The following TTC34 variants were observed in gnomAD, a reference collection of about 807,000 sequenced individuals.
TTC34 encodes the protein tetratricopeptide repeat domain 34.
TTC34 carries 44 observed loss-of-function variants against 40.7 expected under a neutral mutation model. The ratio of observed to expected loss-of-function variants is 1.08; its 90% confidence interval spans 0.85 to 1.39. The LOEUF is 1.39. TTC34 is among the 40% of genes most tolerant of loss of function. TTC34 has a pLI of 0.00. For missense variants in TTC34, 884 were observed against 838.0 expected (o/e 1.05, Z -0.68); for synonymous variants, 422 against 398.6 (o/e 1.06, Z -0.70).
chr1:2,644,291 C>T (rs1356954475), exon 8 of TTC34: 5 of 1,535,146 alleles, frequency 3.3e-6, no homozygotes, highest in Admixed American at 3.9e-5. Flanking sequence ...GCTCCGAGGC[C>T]TCCAGGAGAT....
At chr1:2,753,290 C>T (rs1641387673) in intron 6 of TTC34, among the ~76,000 whole-genome samples, 1 of 123,330 alleles carries the variant, frequency 8.1e-6, no homozygotes, top group Non-Finnish European at 1.6e-5. Context: ...GAACAGCACC[C>T]TGCACACCCA....
intron 6 of TTC34, among the ~76,000 whole-genome samples, chr1:2,760,237 C>CACAACACCAGGCCAGCATCTGACTGA (rs1641653145): frequency 9.1e-6 from 1 of 109,298 alleles, no homozygotes; most frequent in Non-Finnish European, 1.8e-5. Context: ...GAGCAGCACC[C>CACAACACCAGGCCAGCATCTGACTGA]ACAACCCCAG....
intron 6 of TTC34, among the ~76,000 whole-genome samples, chr1:2,688,079 AC>A (rs1640449442): frequency 6.8e-6 from 1 of 147,232 alleles, no homozygotes; most frequent in African/African-American, 2.7e-5. Flanking sequence ...CTGGAACAGC[AC>A]CCTGCACCCC....
rs557610994 is a variant in TTC34 at position 2,699,397 on chromosome 1, G to T, written c.2227-53834C>A. Among the ~76,000 whole-genome samples, 58 of 98,442 alleles carry T rather than the reference G, an allele frequency of 5.9e-4. 2 individuals are homozygous for T. Among genetic ancestry groups the T allele is most frequent in the African/African-American group, 1.8e-3 (56 of 31,382 alleles). The allele number at this position is 98,442 out of a possible 152,430, so 64.6% of individuals were successfully genotyped here. A position where few individuals can be genotyped will look rare whatever the true frequency, so the allele number is the denominator to read the frequency against. On this transcript the variant is annotated intron_variant, in intron 6 of 8. Coordinates refer to ENST00000401095, the Ensembl canonical transcript of TTC34. ...CCGCAGGTGAGCATCTGACAGCCTG[G>T]AACAGCACCCCACACCCCAAGGTGA... is the stretch of plus-strand genomic sequence containing the variant.
chr1:2,799,538 C>A (rs1643750654), intron 2 of TTC34, among the ~76,000 whole-genome samples: 2 of 151,478 alleles, frequency 1.3e-5, no homozygotes. Context: ...AATGAAACTC[C>A]ATCTCAAAAA....
intron 6 of TTC34, among the ~76,000 whole-genome samples, chr1:2,686,246 G>C (rs1479977225): frequency 6.7e-6 from 1 of 148,782 alleles, no homozygotes. Context: ...CACACCCCCA[G>C]GTGAGCATCT....
intron 6 of TTC34, among the ~76,000 whole-genome samples, chr1:2,688,300 C>A (rs1160533514): frequency 5.7e-5 from 7 of 122,884 alleles, no homozygotes; most frequent in Admixed American, 8.8e-5. Flanking sequence ...CCCAGGCGAG[C>A]ATCTGACAGC....
intron 6 of TTC34, among the ~76,000 whole-genome samples, chr1:2,700,109 G>C (rs575575375): frequency 8.3e-6 from 1 of 120,676 alleles, no homozygotes; most frequent in East Asian, 2.6e-4. Flanking sequence ...GTGAGCATCC[G>C]AGAGCCTGGA....
Position 2,755,966 on chromosome 1 carries a change from C to A in TTC34, c.2226+27643G>T, listed in dbSNP as rs1350123849. The stretch of plus-strand genomic sequence containing the variant: ...GCACCCCCAGGTGAGGATCTGACAG[C>A]CTGGAACAGCACCCTGCAACCCAGG... On this transcript the variant is annotated intron_variant, in intron 6 of 8. Transcript: ENST00000401095. Among the ~76,000 whole-genome samples, 4 of 79,500 alleles carry A rather than the reference C, an allele frequency of 5.0e-5. 1 individual carries two copies. The highest frequency in any genetic ancestry group is 2.2e-5 in the Non-Finnish European group (1 of 45,074). The allele number at this position is 79,500 out of a possible 152,430, so 52.2% of individuals were successfully genotyped here.
rs890032959 is a variant in TTC34, at chr1:2,789,584, T to C, written c.1547A>G (p.Gln516Arg). 8 of 1,451,528 alleles carry C rather than the reference T, an allele frequency of 5.5e-6. No homozygotes were observed. The African/African-American group carries it at 8.8e-5, about 16-fold the overall frequency. 89.9% of individuals were successfully genotyped at this position (1,451,528 alleles called of 1,614,324 possible). ...GGACGGCCCGGCGCGTGGAGATCGC[T>C]GCAGCATCCCACGGGCCTCCTCCCG... Residue 516 changes from glutamine (Q) to arginine (R), a missense_variant, in exon 3 of 9, where the codon CAG (glutamine) becomes CGG (arginine). Gln to Arg is a conservative substitution (Grantham distance 43). Transcript: ENST00000401095.
chr1:2,643,652 CG>C (rs200640386), intron 8 of TTC34, among the ~76,000 whole-genome samples: 5 of 151,786 alleles, frequency 3.3e-5, no homozygotes, highest in Non-Finnish European at 5.9e-5. Flanking sequence ...CTCTTCAGCT[CG>C]GGGGGGGCAG....
intron 6 of TTC34, among the ~76,000 whole-genome samples, chr1:2,749,373 G>GCATCTGCCAGACTGGAAGAGC (rs1641243028): frequency 2.7e-5 from 3 of 112,844 alleles, no homozygotes; most frequent in African/African-American, 4.5e-5. Context: ...GCCCAGGTGA[G>GCATCTGCCAGACTGGAAGAGC]ACCCTGACAG....
rs1639852647 is a variant in TTC34, at chr1:2,675,109, CA to C, written c.2227-29547del. Among the ~76,000 whole-genome samples the C allele has an allele frequency of 1.1e-3, 2 of 1,848 alleles. 1 individual carries two copies. The highest frequency in any genetic ancestry group is 3.1e-3 in the Non-Finnish European group (2 of 648). The allele number at this position is 1,848 out of a possible 152,430, so 1.2% of individuals were successfully genotyped here. A position where few individuals can be genotyped will look rare whatever the true frequency, so the allele number is the denominator to read the frequency against. On this transcript the variant is annotated intron_variant, in intron 6 of 8. Coordinates refer to ENST00000401095, the Ensembl canonical transcript of TTC34. ...CAGGCGAGCATCTGACAGCCTGGAG[CA>C]GTGCCCACACCCCCAGGTGAGAATC... is the stretch of plus-strand genomic sequence containing the variant.
chr1:2,646,897 G>A (rs779383504), intron 6 of TTC34, among the ~76,000 whole-genome samples: 11 of 152,102 alleles, frequency 7.2e-5, no homozygotes, highest in Non-Finnish European at 1.6e-4. Context: ...GGTCTTTAAT[G>A]TCACCCTCGT....
At chr1:2,685,307 C>G (rs1640282030) in intron 6 of TTC34, among the ~76,000 whole-genome samples, 2 of 120,132 alleles carry the variant, frequency 1.7e-5, no homozygotes, top group South Asian at 5.6e-4. Flanking sequence ...CAGCCTGGAG[C>G]AGCACACACA....
At chr1:2,696,314 G>C (rs1239604817) in intron 6 of TTC34, among the ~76,000 whole-genome samples, 1 of 93,694 alleles carries the variant, frequency 1.1e-5, no homozygotes, top group Non-Finnish European at 2.3e-5. Flanking sequence ...ACAGCACCCT[G>C]CACCCCCAGG....
intron 8 of TTC34, among the ~76,000 whole-genome samples, chr1:2,643,079 G>C (rs1435754492): frequency 6.6e-6 from 1 of 152,174 alleles, no homozygotes; most frequent in Non-Finnish European, 1.5e-5. Flanking sequence ...CGGGTCCATG[G>C]CAGCAGGAGG....
intron 6 of TTC34, among the ~76,000 whole-genome samples, chr1:2,685,341 C>G (rs1450036734): frequency 1.0e-4 from 14 of 138,528 alleles, no homozygotes; most frequent in Non-Finnish European, 6.1e-5. Context: ...ATCTGACAGC[C>G]TGGAACGGCA....
intron 6 of TTC34, among the ~76,000 whole-genome samples, chr1:2,748,501 G>T (rs1569683186): frequency 7.2e-6 from 1 of 139,116 alleles, no homozygotes; most frequent in African/African-American, 2.6e-5. Flanking sequence ...GCATCCGATA[G>T]CCTGGAGCAG....
Sources: gnomAD v4.1 joint callset for allele counts (sites outside exome capture counted in the v4.1 genomes callset) on GRCh38, gnomAD v4.1.1 for gene constraint, MANE v1.5 for transcripts, NCBI Gene and HGNC (gene_info 2026-07-23, HGNC 2026-07-21) for gene names.